Variants in CDC42BPA observed in about 807,000 individuals in gnomAD.
CDC42BPA encodes serine/threonine-protein kinase MRCK alpha.
A neutral mutation model predicts 223.5 loss-of-function variants in CDC42BPA; 80 were observed. The observed-to-expected ratio is 0.36, with a 90% confidence interval of 0.30 to 0.43. The LOEUF (loss-of-function observed/expected upper bound fraction) is 0.43. Ranked by LOEUF, CDC42BPA falls within the 20% of genes least tolerant of loss-of-function variation. The pLI is 1.00. For synonymous variants in CDC42BPA, 694 were observed against 718.6 expected, an observed-to-expected ratio of 0.97 and a Z score of 0.55; for missense variants, 1,743 against 2,099.9, an observed-to-expected ratio of 0.83 and a Z score of 3.32.
At chr1:227,195,134 G>C (rs140347011) in intron 4 of CDC42BPA, among the ~76,000 whole-genome samples, 1 of 152,280 alleles carries the variant, frequency 6.6e-6, no homozygotes, top group East Asian at 1.9e-4. Flanking sequence ...TAGGGAAGCA[G>C]AATATATTTA....
rs1661096977 is a variant in CDC42BPA at position 226,994,177 on chromosome 1, G to C, written c.*91C>G. The C allele has an allele frequency of 2.2e-6, 3 of 1,344,480 alleles. No individual in the cohort carries two copies. The South Asian group carries it at 4.1e-5, about 18-fold the overall frequency. 83.3% of individuals were successfully genotyped at this position (1,344,480 alleles called of 1,614,324 possible). A position where few individuals can be genotyped will look rare whatever the true frequency, so the allele number is the denominator to read the frequency against. On this transcript the variant is annotated 3_prime_UTR_variant, in exon 37 of 37. Transcript: ENST00000366766. The surrounding 1 kb of genome is among the most constrained non-coding windows in gnomAD (Gnocchi z 4.0). ...TGCTGCCAGCCCCTGGTGGCTTTCA[G>C]GCCGAGCAGGCGAGGTGGAGGGAAG...
chr1:227,066,649 A>G (rs1212701439), intron 21 of CDC42BPA, among the ~76,000 whole-genome samples: 3 of 152,198 alleles, frequency 2.0e-5, no homozygotes, highest in Non-Finnish European at 4.4e-5. Context: ...GGTGGTGGAT[A>G]GATGACTGAG....
intron 21 of CDC42BPA, among the ~76,000 whole-genome samples, chr1:227,052,500 G>T (rs16846890): frequency 0.13 from 19,588 of 152,048 alleles, 1,325 homozygotes; most frequent in East Asian, 0.26. Context: ...AGAAAAACCA[G>T]CACTTATATT....
intron 21 of CDC42BPA, among the ~76,000 whole-genome samples, chr1:227,064,825 T>C (rs1038157211): frequency 1.1e-4 from 17 of 152,104 alleles, no homozygotes; most frequent in Admixed American, 2.0e-4. Flanking sequence ...CAGTCAGGCA[T>C]GGTGGCTCAT....
intron 1 of CDC42BPA, among the ~76,000 whole-genome samples, chr1:227,273,681 C>A (rs1347321089): frequency 2.0e-5 from 3 of 151,766 alleles, no homozygotes; most frequent in African/African-American, 7.3e-5. Context: ...TTTTAACCTG[C>A]TAAAATATGT....
chr1:227,309,688 G>A (rs1693187913), intron 1 of CDC42BPA, among the ~76,000 whole-genome samples: 1 of 152,168 alleles, frequency 6.6e-6, no homozygotes, highest in Non-Finnish European at 1.5e-5. Flanking sequence ...AGTAATGAAA[G>A]CTGTAAAAAA....
chr1:227,080,740 C>G (rs1444149941), intron 17 of CDC42BPA, among the ~76,000 whole-genome samples, 153 bp downstream of exon 17: 1 of 152,150 alleles, frequency 6.6e-6, no homozygotes, highest in Non-Finnish European at 1.5e-5. Context: ...TAGAACACAA[C>G]AGATCAGTAA....
At chr1:227,194,436 C>T (rs1169169129) in intron 4 of CDC42BPA, among the ~76,000 whole-genome samples, 1 of 152,134 alleles carries the variant, frequency 6.6e-6, no homozygotes, top group African/African-American at 2.4e-5. Flanking sequence ...ATTTAGAAAC[C>T]ACTACTACGT....
chr1:227,230,688 G>A (rs2813955), intron 2 of CDC42BPA, among the ~76,000 whole-genome samples: 125,429 of 152,032 alleles, frequency 0.83, 51,859 homozygotes, highest in South Asian at 0.88. Flanking sequence ...AAAATACTCA[G>A]TTATCTTATT....
intron 34 of CDC42BPA, chr1:227,010,803 GTT>G: frequency 4.5e-6 from 4 of 883,360 alleles, no homozygotes; most frequent in Non-Finnish European, 6.0e-6. Context: ...TTTCAGCGGT[GTT>G]ACTTATTAAG....
intron 1 of CDC42BPA, among the ~76,000 whole-genome samples, chr1:227,277,493 AAT>A (rs1166909416): frequency 1.3e-5 from 2 of 152,248 alleles, no homozygotes; most frequent in Non-Finnish European, 2.9e-5. Context: ...TAATCCAAAA[AAT>A]ATCCTAATCA....
chr1:227,034,421 A>T (rs1669867015), intron 26 of CDC42BPA, among the ~76,000 whole-genome samples: 1 of 152,188 alleles, frequency 6.6e-6, no homozygotes, highest in South Asian at 2.1e-4. Flanking sequence ...TCTTTGGGAC[A>T]CCAACTTCTT....
intron 10 of CDC42BPA, among the ~76,000 whole-genome samples, chr1:227,131,007 C>T (rs1656986187): frequency 6.6e-6 from 1 of 152,228 alleles, no homozygotes; most frequent in Non-Finnish European, 1.5e-5. Flanking sequence ...CCTAGGTCTA[C>T]TGAAATGACC....
intron 1 of CDC42BPA, among the ~76,000 whole-genome samples, chr1:227,312,134 A>G (rs993621996): frequency 6.6e-6 from 1 of 152,224 alleles, no homozygotes; most frequent in East Asian, 1.9e-4. Flanking sequence ...GATGTACTTT[A>G]TATTTTCTAT....
intron 1 of CDC42BPA, among the ~76,000 whole-genome samples, chr1:227,278,316 G>A (rs530880610): frequency 1.1e-4 from 17 of 152,212 alleles, no homozygotes; most frequent in South Asian, 8.3e-4. Flanking sequence ...TTCAGATTGC[G>A]TATGTGCTTT....
At chr1:227,275,544 C>CA (rs1686792809) in intron 1 of CDC42BPA, among the ~76,000 whole-genome samples, 1 of 151,502 alleles carries the variant, frequency 6.6e-6, no homozygotes, top group Non-Finnish European at 1.5e-5. Context: ...GAAAAAAAGA[C>CA]AGATGACACA....
At chr1:227,003,760 T>C (rs902782281) in intron 35 of CDC42BPA, among the ~76,000 whole-genome samples, 3 of 152,100 alleles carry the variant, frequency 2.0e-5, no homozygotes, top group Admixed American at 1.3e-4. Flanking sequence ...TATGGTCCCT[T>C]AGCTCAAGGT....
intron 35 of CDC42BPA, among the ~76,000 whole-genome samples, chr1:226,995,217 A>G (rs750481948): frequency 3.3e-4 from 50 of 152,176 alleles, no homozygotes; most frequent in Non-Finnish European, 8.8e-5. Flanking sequence ...AGCACTCTCT[A>G]GGCTGTGCCA....
intron 31 of CDC42BPA, among the ~76,000 whole-genome samples, chr1:227,025,456 C>A (rs944521683): frequency 7.2e-5 from 11 of 152,144 alleles, no homozygotes; most frequent in African/African-American, 2.4e-4. Context: ...ACTAATCATA[C>A]ATGCTATATA....
Sources: allele counts gnomAD v4.1 joint callset (sites outside exome capture counted in the v4.1 genomes callset), GRCh38; gene constraint gnomAD v4.1.1; non-coding constraint Gnocchi (gnomAD v3.1); transcripts MANE v1.5; gene names NCBI Gene and HGNC (gene_info 2026-07-23, HGNC 2026-07-21).